Variants in ERBB4 observed in about 807,000 individuals in gnomAD.
ERBB4 encodes the protein erb-b2 receptor tyrosine kinase 4.
A neutral mutation model predicts 158.0 loss-of-function variants in ERBB4; 42 were observed. The observed-to-expected ratio is 0.27, with a 90% CI of 0.21 to 0.34. The LOEUF is 0.34. ERBB4 is among the 10% of genes least tolerant of loss of function. The pLI is 1.00. For missense variants in ERBB4, 1,333 were observed against 1,624.1 expected (o/e 0.82, Z 3.08); for synonymous variants, 583 against 558.7 (o/e 1.04, Z -0.61).
chr2:211,994,424 T>A (rs1373428915), intron 2 of ERBB4, among the ~76,000 whole-genome samples: 1 of 152,214 alleles, frequency 6.6e-6, no homozygotes, highest in African/African-American at 2.4e-5. Flanking sequence ...TGAACCACCA[T>A]GCCTGGCTCA....
intron 2 of ERBB4, among the ~76,000 whole-genome samples, chr2:212,112,237 A>G (rs1050347622): frequency 2.6e-5 from 4 of 152,070 alleles, no homozygotes; most frequent in African/African-American, 9.7e-5. Flanking sequence ...GCTTCAAGCA[A>G]TCATCCTCCT....
chr2:212,513,330 A>AT (rs1452163975), intron 1 of ERBB4, among the ~76,000 whole-genome samples: 1 of 152,242 alleles, frequency 6.6e-6, no homozygotes, highest in Non-Finnish European at 1.5e-5. Context: ...TACTGAGATG[A>AT]TAAAAAATAG....
In ERBB4 at chr2:211,399,314, G is replaced by A. The variant is rs1342486810; in HGVS notation, c.3136-11322C>T. Among the ~76,000 whole-genome samples the A allele has an allele frequency of 2.0e-5, 3 of 152,226 alleles. No individual in the cohort carries two copies. The East Asian group carries it at 5.8e-4, about 29-fold the overall frequency. ...TTTCATATCTAGCACAGTGCCAGGGGCACAGACATGGTGAATGTTCAGCAA... is the reference window on the plus strand; with the variant it reads ...TTTCATATCTAGCACAGTGCCAGGGACACAGACATGGTGAATGTTCAGCAA... On this transcript the variant is annotated intron_variant, in intron 25 of 27. Transcript: ENST00000342788.
At chr2:211,817,356 G>A (rs1029824816) in intron 3 of ERBB4, among the ~76,000 whole-genome samples, 18 of 152,190 alleles carry the variant, frequency 1.2e-4, no homozygotes, top group African/African-American at 2.4e-5. Context: ...TAAAGGGGTT[G>A]TCGTAGACAG....
intron 20 of ERBB4, among the ~76,000 whole-genome samples, chr2:211,517,212 A>T (rs1481268701): frequency 6.6e-6 from 1 of 152,164 alleles, no homozygotes; most frequent in Non-Finnish European, 1.5e-5. Flanking sequence ...TAATCATAAA[A>T]ATAAGACTAA....
At chr2:212,029,949 A>C (rs2076862764) in intron 2 of ERBB4, among the ~76,000 whole-genome samples, 1 of 152,048 alleles carries the variant, frequency 6.6e-6, no homozygotes, top group Admixed American at 6.6e-5. Flanking sequence ...TCTGCCACAT[A>C]AGGTTTTGCA....
chr2:212,297,532 A>C (rs1031963676), intron 1 of ERBB4, among the ~76,000 whole-genome samples: 3 of 151,960 alleles, frequency 2.0e-5, no homozygotes, highest in Admixed American at 6.6e-5. Flanking sequence ...TTATAAAGGG[A>C]TAATATATCT....
At chr2:211,548,689 C>T (rs2125697162) in intron 20 of ERBB4, among the ~76,000 whole-genome samples, 1 of 152,148 alleles carries the variant, frequency 6.6e-6, no homozygotes, top group Non-Finnish European at 1.5e-5. Flanking sequence ...ACTCTGTCAC[C>T]TGCTTATGTT....
At chr2:212,148,432 C>G (rs2080755585) in intron 1 of ERBB4, among the ~76,000 whole-genome samples, 1 of 152,024 alleles carries the variant, frequency 6.6e-6, no homozygotes, top group African/African-American at 2.4e-5. Context: ...CTTTATGGCA[C>G]AGAAAAACAT....
chr2:211,486,686 C>T (rs372059990), intron 20 of ERBB4, among the ~76,000 whole-genome samples: 1 of 151,982 alleles, frequency 6.6e-6, no homozygotes, highest in South Asian at 2.1e-4. Flanking sequence ...CCTGTGCAAG[C>T]GACACTCTCT....
chr2:212,141,654 A>C (rs774665445), intron 1 of ERBB4, among the ~76,000 whole-genome samples: 1 of 151,998 alleles, frequency 6.6e-6, no homozygotes, highest in Non-Finnish European at 1.5e-5. Context: ...TAGTCAGTCA[A>C]CTATTCTCTC....
At chr2:212,022,707 C>T in intron 2 of ERBB4, among the ~76,000 whole-genome samples, 1 of 152,136 alleles carries the variant, frequency 6.6e-6, no homozygotes, top group Non-Finnish European at 1.5e-5. Flanking sequence ...ACATAAAAAA[C>T]TATAATCTGA....
chr2:212,121,154 T>C (rs1357785293), intron 2 of ERBB4, among the ~76,000 whole-genome samples: 1 of 152,190 alleles, frequency 6.6e-6, no homozygotes, highest in East Asian at 1.9e-4. Flanking sequence ...CAGGGCCCAG[T>C]AAGAAAAGTA....
At chr2:212,039,818 C>G (rs2077096194) in intron 2 of ERBB4, among the ~76,000 whole-genome samples, 1 of 151,932 alleles carries the variant, frequency 6.6e-6, no homozygotes, top group African/African-American at 2.4e-5. Context: ...AGAGATGCCA[C>G]ACACAAATGC....
intron 2 of ERBB4, among the ~76,000 whole-genome samples, chr2:212,113,573 C>CAAAAAAAAAAA (rs35545899): frequency 6.2e-5 from 4 of 64,246 alleles, no homozygotes; most frequent in African/African-American, 1.2e-4. Flanking sequence ...GACTCCATCT[C>CAAAAAAAAAAA]AAAAAAAAAA....
intron 1 of ERBB4, among the ~76,000 whole-genome samples, chr2:212,176,544 T>C (rs571019360): frequency 1.3e-5 from 2 of 152,112 alleles, no homozygotes; most frequent in East Asian, 3.9e-4. Flanking sequence ...AATAAATGTA[T>C]GTTGTTTAAG....
chr2:212,443,934 C>A (rs2092302580), intron 1 of ERBB4, among the ~76,000 whole-genome samples: 1 of 152,170 alleles, frequency 6.6e-6, no homozygotes, highest in African/African-American at 2.4e-5. Context: ...AATTGCCTAT[C>A]ATGAACTGGG....
chr2:211,460,526 GT>G (rs1395927437), intron 20 of ERBB4, among the ~76,000 whole-genome samples: 2 of 152,150 alleles, frequency 1.3e-5, no homozygotes, highest in African/African-American at 4.8e-5. Flanking sequence ...CATAATCACT[GT>G]TTTAAAACCA....
chr2:212,452,380 T>C (rs2092458635), intron 1 of ERBB4, among the ~76,000 whole-genome samples: 1 of 130,242 alleles, frequency 7.7e-6, no homozygotes, highest in African/African-American at 2.7e-5. Flanking sequence ...GTCTACAATT[T>C]TGGTCAGTTT....
Sources: gnomAD v4.1 joint callset for allele counts (sites outside exome capture counted in the v4.1 genomes callset) on GRCh38, gnomAD v4.1.1 for gene constraint, MANE v1.5 for transcripts, NCBI Gene and HGNC (gene_info 2026-07-23, HGNC 2026-07-21) for gene names.